KLHL5: variants seen among roughly 807,000 people sequenced by gnomAD.
KLHL5 encodes the protein kelch like family member 5, also known as kelch-like protein 5.
KLHL5 carries 48 observed loss-of-function variants against 77.7 expected under a neutral mutation model. The ratio of observed to expected loss-of-function variants is 0.62; its 90% confidence interval spans 0.49 to 0.79. KLHL5 has a LOEUF of 0.79. KLHL5 is among the 30% of genes least tolerant of loss of function. The probability of loss-of-function intolerance (pLI) is 0.00; values close to 1 mark genes in which losing one functional copy is unlikely to be tolerated. For synonymous variants in KLHL5, 260 were observed against 297.0 expected, an observed-to-expected ratio of 0.88 and a Z score of 1.28; for missense variants, 723 against 859.7, an observed-to-expected ratio of 0.84 and a Z score of 1.99.
At chr4:39,049,893 G>A (rs562147725) in intron 1 of KLHL5, among the ~76,000 whole-genome samples, 141 of 152,006 alleles carry the variant, frequency 9.3e-4, no homozygotes, top group South Asian at 4.8e-3. Context: ...CCAACATGGT[G>A]AAACCACATC....
In KLHL5 at chr4:39,124,802, CAAAAAAAA is replaced by C. The variant is rs71643268; in HGVS notation, c.*3753_*3760del. ...GCACCAAAAGCACAAGCAACAACAG[CAAAAAAAA>C]AAAAAAAAAAAAAAAATCAAAATTA... On this transcript the variant is annotated 3_prime_UTR_variant, in exon 11 of 11. Coordinates refer to ENST00000504108, the MANE Select transcript of KLHL5 (RefSeq NM_015990.5). Among the ~76,000 whole-genome samples the C allele has an allele frequency of 1.6e-4, 7 of 44,124 alleles. No individual in the cohort carries two copies. Among genetic ancestry groups the C allele is most frequent in the Admixed American group, 3.4e-4 (1 of 2,908 alleles). The allele number at this position is 44,124 out of a possible 152,430, so 28.9% of individuals were successfully genotyped here.
intron 1 of KLHL5, among the ~76,000 whole-genome samples, chr4:39,073,849 G>A (rs1190634884): frequency 6.8e-6 from 1 of 147,294 alleles, no homozygotes; most frequent in Non-Finnish European, 1.5e-5. Flanking sequence ...TGTATTTTTA[G>A]TAGAGACGGG....
At chr4:39,138,466 G>C in the KLHL5 span, among the ~76,000 whole-genome samples, 1 of 152,134 alleles carries the variant, frequency 6.6e-6, no homozygotes, top group Non-Finnish European at 1.5e-5. Context: ...CACGGATGGA[G>C]CTGGAGGCCA....
At chr4:39,098,945 G>A (rs1455002708) in intron 6 of KLHL5, among the ~76,000 whole-genome samples, 1 of 152,068 alleles carries the variant, frequency 6.6e-6, no homozygotes, top group Non-Finnish European at 1.5e-5. Context: ...TGGGAAAACT[G>A]GGTCAAAGGA....
Position 39,062,651 on chromosome 4 carries a change from G to A in KLHL5, c.-2G>A. On this transcript the variant is annotated 5_prime_UTR_variant, in exon 1 of 11. Transcript: ENST00000504108. ...CTAGACGATCACTTGGTTTCTCTGAGGATGTCTGGTTCTCGTAAAGAGTTT... is the reference window on the plus strand; with the variant it reads ...CTAGACGATCACTTGGTTTCTCTGAAGATGTCTGGTTCTCGTAAAGAGTTT... The A allele has an allele frequency of 6.2e-7, 1 of 1,614,142 alleles. No homozygotes were observed. Among genetic ancestry groups the A allele is most frequent in the Non-Finnish European group, 8.5e-7 (1 of 1,180,018 alleles).
chr4:39,045,139 C>A (rs888211776), intron 1 of KLHL5: 1 of 984,288 alleles, frequency 1.0e-6, no homozygotes, highest in East Asian at 1.1e-4. Flanking sequence ...GGGGCCGCCT[C>A]GGGCAGGGCC....
chr4:39,115,075 A>G, intron 9 of KLHL5, 84 bp from the exon 10 acceptor site: 7 of 1,200,548 alleles, frequency 5.8e-6, no homozygotes, highest in Non-Finnish European at 8.3e-6. Context: ...ATAATGAGTC[A>G]GAAGATAGAC....
At chr4:39,093,470 G>T (rs1368031623) in intron 5 of KLHL5, 1 of 455,002 alleles carries the variant, frequency 2.2e-6, no homozygotes, top group Admixed American at 2.4e-5. Context: ...TGTGTACTTT[G>T]AATGGATAAA....
At chr4:39,088,901 G>T (rs1156550985) in intron 5 of KLHL5, among the ~76,000 whole-genome samples, 2 of 152,110 alleles carry the variant, frequency 1.3e-5, no homozygotes. Flanking sequence ...AAATAAAAGG[G>T]GATAAAGTAA....
the KLHL5 span, among the ~76,000 whole-genome samples, chr4:39,140,526 AT>A: frequency 3.3e-5 from 5 of 152,240 alleles, no homozygotes; most frequent in East Asian, 9.6e-4. Context: ...TTTTTCTGTA[AT>A]TTTCTGATTG....
chr4:39,095,536 T>G (rs563944972), intron 5 of KLHL5, among the ~76,000 whole-genome samples: 1 of 152,088 alleles, frequency 6.6e-6, no homozygotes, highest in South Asian at 2.1e-4. Flanking sequence ...AGGTAAAAAT[T>G]AATACATAAG....
the KLHL5 span, among the ~76,000 whole-genome samples, chr4:39,142,326 C>T: frequency 6.6e-6 from 1 of 150,516 alleles, no homozygotes; most frequent in South Asian, 2.1e-4. Context: ...ACCTGGGAAG[C>T]GGAGGTTGCA....
chr4:39,100,117 T>A (rs566163451), intron 6 of KLHL5, among the ~76,000 whole-genome samples: 18 of 152,284 alleles, frequency 1.2e-4, no homozygotes, highest in Middle Eastern at 6.8e-3. Context: ...ACTTGGTACA[T>A]GGAAAGGGAA....
Position 39,113,208 on chromosome 4 carries a change from C to T in KLHL5, c.1877C>T (p.Ser626Phe). ...GHDAPASNLT[S>F]RLSDCVERYD... ...GATGCTCCCGCATCCAACTTGACTT[C>T]CAGACTCTCAGACTGTGTGGAAAGG... is the stretch of plus-strand genomic sequence containing the variant. Residue 626 changes from serine to phenylalanine, a missense_variant, in exon 9 of 11, where the codon TCC becomes TTC. Around this residue, in one of 3 missense-constraint regions of KLHL5, gnomAD observed 214 missense variants for 237.4 expected, o/e 0.90. Coordinates refer to ENST00000504108, the MANE Select transcript of KLHL5 (RefSeq NM_015990.5). 6.2e-7 allele frequency: 1 copy of T among 1,613,940 alleles called. No homozygotes were observed. Among genetic ancestry groups the T allele is most frequent in the Non-Finnish European group, 8.5e-7 (1 of 1,179,906 alleles).
chr4:39,089,568 C>T (rs1308228916), intron 5 of KLHL5, among the ~76,000 whole-genome samples: 1 of 152,144 alleles, frequency 6.6e-6, no homozygotes, highest in Admixed American at 6.6e-5. Context: ...GTTCCCAAAC[C>T]TGGCTAATTA....
the KLHL5 span, among the ~76,000 whole-genome samples, chr4:39,138,561 A>C: frequency 1.3e-5 from 2 of 152,184 alleles, no homozygotes; most frequent in African/African-American, 4.8e-5. Context: ...ATGAGAACTC[A>C]TGGACACATA....
the KLHL5 span, among the ~76,000 whole-genome samples, chr4:39,142,288 C>T: frequency 6.6e-6 from 1 of 151,434 alleles, no homozygotes; most frequent in Non-Finnish European, 1.5e-5. Flanking sequence ...CTAGCTACTC[C>T]GGAGGCTGAG....
intron 5 of KLHL5, among the ~76,000 whole-genome samples, chr4:39,088,960 G>C (rs181736284): frequency 1.0e-3 from 157 of 152,320 alleles, no homozygotes; most frequent in Non-Finnish European, 1.8e-3. Context: ...AGAACCTCTA[G>C]TTATGCCAAG....
chr4:39,138,167 G>A, the KLHL5 span, among the ~76,000 whole-genome samples: 1 of 152,126 alleles, frequency 6.6e-6, no homozygotes, highest in Non-Finnish European at 1.5e-5. Flanking sequence ...GTGTAAATTA[G>A]TTCAGCCATT....
Sources: allele counts gnomAD v4.1 joint callset (sites outside exome capture counted in the v4.1 genomes callset), GRCh38; gene constraint gnomAD v4.1.1; regional missense constraint gnomAD v4.1.1; transcripts MANE v1.5; gene names NCBI Gene and HGNC (gene_info 2026-07-23, HGNC 2026-07-21).